The following AKAP12 variants were observed in gnomAD, a reference collection of about 807,000 sequenced individuals.
AKAP12 encodes A-kinase anchor protein 12.
In AKAP12, 32 loss-of-function variants were observed where a neutral mutation model predicts 79.9. The ratio of observed to expected loss-of-function variants is 0.40; its 90% CI spans 0.30 to 0.54. The LOEUF (loss-of-function observed/expected upper bound fraction) is 0.54, where lower values mean the gene tolerates loss of function less well. Ranked by LOEUF, AKAP12 falls within the 20% of genes least tolerant of loss-of-function variation. The pLI is 0.48. For missense variants in AKAP12, 2,074 were observed against 2,177.0 expected, an observed-to-expected ratio of 0.95 and a Z score of 0.94; for synonymous variants, 808 against 857.0, an observed-to-expected ratio of 0.94 and a Z score of 1.00.
rs1300289677 is a variant in AKAP12, at chr6:151,240,399, G to GC, written c.-163dup. 1 of 607,984 alleles carries GC rather than the reference G, an allele frequency of 1.6e-6. No individual in the cohort carries two copies. The highest frequency in any genetic ancestry group is 2.4e-6 in the Non-Finnish European group (1 of 411,948). The allele number at this position is 607,984 out of a possible 1,614,324, so 37.7% of individuals were successfully genotyped here. ...TTCTTTTAAGGAGTTTGCCGCGAGC[G>GC]CGTCTCCTTCATTCGCAGGCTGGGC... On this transcript the variant is annotated 5_prime_UTR_variant, in exon 2 of 5. Transcript: ENST00000402676.
intron 3 of AKAP12, chr6:151,325,106 TTC>T: frequency 1.0e-6 from 1 of 985,446 alleles, no homozygotes; most frequent in Non-Finnish European, 1.2e-6. Flanking sequence ...CTGAGAGCCC[TTC>T]TCAAAGAGTT....
Position 151,350,689 on chromosome 6 carries a change from C to G in AKAP12, c.2298C>G (p.Val766=). The G allele has an allele frequency of 1.2e-6, 2 of 1,613,716 alleles. No individual in the cohort carries two copies. Among genetic ancestry groups the G allele is most frequent in the South Asian group, 1.1e-5 (1 of 91,052 alleles). ...VSTWESFKRL[V]TPRKKSKSKL... is the part of the protein sequence containing the mutation. ...CCTGGGAGTCATTTAAAAGGTTAGT[C>G]ACGCCAAGAAAAAAATCAAAGTCCA... The change falls in exon 4 of 5, where the codon GTC becomes GTG. Residue 766 remains valine, a synonymous_variant. Coordinates refer to ENST00000402676, the MANE Select transcript of AKAP12 (RefSeq NM_005100.4). The surrounding 1 kb of genome is among the most constrained non-coding windows in gnomAD (Gnocchi z 4.8).
intron 2 of AKAP12, among the ~76,000 whole-genome samples, chr6:151,262,478 G>A (rs1797458210): frequency 1.3e-5 from 2 of 152,082 alleles, no homozygotes; most frequent in South Asian, 4.1e-4. Context: ...ACAGAATCTT[G>A]ATCATATTTA....
chr6:151,248,908 A>G (rs1205193185), intron 2 of AKAP12, among the ~76,000 whole-genome samples: 1 of 151,660 alleles, frequency 6.6e-6, no homozygotes, highest in African/African-American at 2.4e-5. Context: ...AATCGCTTGA[A>G]CCTAGGAGGT....
chr6:151,338,687 G>A (rs1229420210), intron 3 of AKAP12, among the ~76,000 whole-genome samples: 1 of 152,150 alleles, frequency 6.6e-6, no homozygotes, highest in African/African-American at 2.4e-5. Context: ...CTGACTCCAG[G>A]TGATCCGTCT....
chr6:151,291,522 G>C (rs550622080), intron 2 of AKAP12, among the ~76,000 whole-genome samples: 38 of 152,196 alleles, frequency 2.5e-4, no homozygotes, highest in Admixed American at 1.8e-3. Context: ...TTTCCTCCAA[G>C]CAGACTGATA....
chr6:151,338,558 C>T (rs1053049719), intron 3 of AKAP12, among the ~76,000 whole-genome samples: 6 of 151,708 alleles, frequency 4.0e-5, no homozygotes, highest in African/African-American at 7.3e-5. Context: ...CGGGTTTAAG[C>T]GATTCTCCCA....
chr6:151,240,629 G>A lies in AKAP12; in HGVS notation c.67G>A (p.Ala23Thr). The A allele has an allele frequency of 2.2e-6, 3 of 1,376,090 alleles. No individual in the cohort carries two copies. Among genetic ancestry groups the A allele is most frequent in the Non-Finnish European group, 1.9e-6 (2 of 1,068,282 alleles). 85.2% of individuals were successfully genotyped at this position (1,376,090 alleles called of 1,614,324 possible). ...EQPPEGSSTP[A>T]EPEPSGGGPS... Reference sequence around the variant, plus strand: ...GCCGCCCGAGGGGAGCTCCACGCCGGCTGAGCCCGAGCCCAGCGGCGGCGG... The same window carrying A: ...GCCGCCCGAGGGGAGCTCCACGCCGACTGAGCCCGAGCCCAGCGGCGGCGG... The change falls in exon 2 of 5, where the codon GCT becomes ACT. Residue 23 changes from alanine (A) to threonine (T), a missense_variant. Transcript: ENST00000402676.
chr6:151,308,363 C>T (rs1203858378), intron 3 of AKAP12, among the ~76,000 whole-genome samples: 1 of 151,964 alleles, frequency 6.6e-6, no homozygotes, highest in Non-Finnish European at 1.5e-5. Flanking sequence ...CAGGTGCCTG[C>T]CATCATGCCC....
At chr6:151,332,602 T>G (rs1777704230) in intron 3 of AKAP12, among the ~76,000 whole-genome samples, 1 of 152,166 alleles carries the variant, frequency 6.6e-6, no homozygotes, top group South Asian at 2.1e-4. Flanking sequence ...CACTAATGGT[T>G]GATGTCGAAA....
At chr6:151,316,846 C>G (rs1446138659) in intron 3 of AKAP12, among the ~76,000 whole-genome samples, 2 of 152,086 alleles carry the variant, frequency 1.3e-5, no homozygotes, top group Non-Finnish European at 2.9e-5. Context: ...CCATGTTGGC[C>G]AGGATGGTCT....
In AKAP12 at chr6:151,352,749, T is replaced by TG. The variant is rs1272466457; in HGVS notation, c.4360dup (p.Glu1454GlyfsTer6). 1 of 1,614,096 alleles carries TG rather than the reference T, an allele frequency of 6.2e-7. No homozygotes were observed. Among genetic ancestry groups the TG allele is most frequent in the East Asian group, 2.2e-5 (1 of 44,894 alleles). On this transcript the variant is annotated frameshift_variant, in exon 4 of 5. Coordinates refer to ENST00000402676, the MANE Select transcript of AKAP12 (RefSeq NM_005100.4). LOFTEE classifies it low-confidence loss of function (END_TRUNC). ...GAGCCTGCAGGTGCACATTTAGTTCTGGAAGAGAAATCCTCTGAAAAAAAT... is the reference window on the plus strand; with the variant it reads ...GAGCCTGCAGGTGCACATTTAGTTCTGGGAAGAGAAATCCTCTGAAAAAAAT...
In AKAP12 at chr6:151,353,613, C is replaced by T. The variant is rs142034058; in HGVS notation, c.5222C>T (p.Ala1741Val). 6.2e-7 allele frequency: 1 copy of T among 1,613,952 alleles called. No individual in the cohort carries two copies. The highest frequency in any genetic ancestry group is 8.5e-7 in the Non-Finnish European group (1 of 1,179,960). The change falls in exon 4 of 5, where the codon GCC becomes GTC. Residue 1741 changes from alanine to valine, a missense_variant. By Grantham distance (64) the Ala-to-Val change is moderately conservative. Around this residue, in one of 3 missense-constraint regions of AKAP12, gnomAD observed 614 missense variants for 665.6 expected, o/e 0.92. Coordinates refer to ENST00000402676, the MANE Select transcript of AKAP12 (RefSeq NM_005100.4). ...CCAAAACAAAAAGAGAAGGAGGATG[C>T]CCAGGAAGTAGAATTGCAGGAAGGA... ...NGPKQKEKED[A>V]QEVELQEGKV...
intron 3 of AKAP12, among the ~76,000 whole-genome samples, chr6:151,310,836 T>G (rs1777082809): frequency 6.6e-6 from 1 of 152,224 alleles, no homozygotes; most frequent in Admixed American, 6.5e-5. Flanking sequence ...TTTGTTTTCT[T>G]TTTGAGATTT....
intron 3 of AKAP12, chr6:151,323,794 T>C (rs1266392326): frequency 1.7e-5 from 17 of 985,376 alleles, no homozygotes; most frequent in Non-Finnish European, 2.0e-5. Flanking sequence ...GAGCTGGAGA[T>C]TCATTCTGCT....
intron 2 of AKAP12, among the ~76,000 whole-genome samples, chr6:151,261,826 C>T (rs1054579574): frequency 3.3e-5 from 5 of 149,574 alleles, no homozygotes; most frequent in East Asian, 4.0e-4. Flanking sequence ...GGCGTGAGCT[C>T]GGCTCACTGC....
At chr6:151,284,487 G>A (rs889504652) in intron 2 of AKAP12, among the ~76,000 whole-genome samples, 1 of 152,100 alleles carries the variant, frequency 6.6e-6, no homozygotes, top group Non-Finnish European at 1.5e-5. Context: ...AATTAGCTGG[G>A]TGTGGCAGTG....
chr6:151,323,593 A>G lies in AKAP12; in HGVS notation c.319+17690A>G, dbSNP rs971478708. 1.2e-5 allele frequency: 7 copies of G among 575,144 alleles called. No homozygotes were observed. The African/African-American group carries it at 1.4e-4, about 12-fold the overall frequency. The allele number at this position is 575,144 out of a possible 1,614,324, so 35.6% of individuals were successfully genotyped here. A position where few individuals can be genotyped will look rare whatever the true frequency, so the allele number is the denominator to read the frequency against. Reference sequence around the variant, plus strand: ...TCAAATCAGATGTGTTAGCGTCTTCATGAATGTCATAAAAAGAAATGTTTC... The same window carrying G: ...TCAAATCAGATGTGTTAGCGTCTTCGTGAATGTCATAAAAAGAAATGTTTC... On this transcript the variant is annotated intron_variant, in intron 3 of 4. Transcript: ENST00000402676.
At chr6:151,321,225 G>C (rs918009113) in intron 3 of AKAP12, among the ~76,000 whole-genome samples, 7 of 152,112 alleles carry the variant, frequency 4.6e-5, no homozygotes, top group Non-Finnish European at 8.8e-5. Flanking sequence ...GACCTCAAGT[G>C]ATCTGCCCGC....
Sources: gnomAD v4.1 joint callset for allele counts (sites outside exome capture counted in the v4.1 genomes callset) on GRCh38, gnomAD v4.1.1 for gene constraint, gnomAD v4.1.1 regional missense constraint, Gnocchi (gnomAD v3.1) non-coding constraint, MANE v1.5 for transcripts, NCBI Gene and HGNC (gene_info 2026-07-23, HGNC 2026-07-21) for gene names.